The following TAF4B variants were observed in gnomAD, a reference collection of about 807,000 sequenced individuals.
The protein encoded by TAF4B is TATA-box binding protein associated factor 4b.
In TAF4B, 38 loss-of-function variants were observed where a neutral mutation model predicts 86.4. The ratio of observed to expected loss-of-function variants is 0.44; its 90% CI spans 0.34 to 0.58. TAF4B has a LOEUF of 0.58. TAF4B is among the 20% of genes least tolerant of loss of function. The pLI is 0.02. For synonymous variants in TAF4B, 388 were observed against 391.2 expected (o/e 0.99, Z 0.10); for missense variants, 988 against 1,027.6 (o/e 0.96, Z 0.53).
chr18:26,293,347 A>C (rs1466008628), intron 8 of TAF4B, 79 bp from the exon 9 acceptor site: 1 of 937,916 alleles, frequency 1.1e-6, no homozygotes, highest in Non-Finnish European at 1.6e-6. Context: ...TATATATAAA[A>C]AACGGTTGTC....
intron 1 of TAF4B, among the ~76,000 whole-genome samples, chr18:26,249,120 C>A (rs1389122725): frequency 6.7e-6 from 1 of 148,624 alleles, no homozygotes; most frequent in African/African-American, 2.5e-5. Context: ...TACAGTGAAC[C>A]GAGATTGTGC....
intron 1 of TAF4B, among the ~76,000 whole-genome samples, chr18:26,234,657 G>A (rs542266868): frequency 1.2e-4 from 19 of 152,254 alleles, no homozygotes; most frequent in African/African-American, 4.1e-4. Context: ...TTAAGGTCAG[G>A]ATTAGCTAAG....
At chr18:26,247,009 G>A (rs1421814456) in intron 1 of TAF4B, among the ~76,000 whole-genome samples, 1 of 152,144 alleles carries the variant, frequency 6.6e-6, no homozygotes, top group East Asian at 1.9e-4. Flanking sequence ...GGGATTACAA[G>A]CATGTGCCAC....
intron 9 of TAF4B, 68 bp from the exon 10 acceptor site, chr18:26,315,161 T>TGTCTCTCTCTCTCACACACACACACACA (rs2056897012): frequency 9.0e-6 from 2 of 222,942 alleles, no homozygotes. Context: ...TCTCTCTCTC[T>TGTCTCTCTCTCTCACACACACACACACA]CACACACACA....
chr18:26,320,935 C>A, intron 10 of TAF4B, 135 bp from the exon 11 acceptor site: 1 of 1,061,664 alleles, frequency 9.4e-7, no homozygotes, highest in Non-Finnish European at 1.3e-6. Context: ...TGTGACTTTA[C>A]TAGGAAAATC....
chr18:26,360,142 T>C (rs912703460), intron 14 of TAF4B, among the ~76,000 whole-genome samples: 2 of 152,202 alleles, frequency 1.3e-5, no homozygotes, highest in Admixed American at 1.3e-4. Context: ...AATACATAAA[T>C]ATTATTTGTT....
intron 1 of TAF4B, among the ~76,000 whole-genome samples, chr18:26,239,290 T>C (rs919746596): frequency 2.6e-5 from 4 of 152,272 alleles, no homozygotes; most frequent in African/African-American, 9.6e-5. Flanking sequence ...TTCTAACTGG[T>C]GTGAGATGGT....
intron 5 of TAF4B, among the ~76,000 whole-genome samples, chr18:26,278,175 G>C (rs547778334): frequency 3.3e-5 from 5 of 152,160 alleles, no homozygotes; most frequent in Non-Finnish European, 5.9e-5. Context: ...CAACAAAAAT[G>C]CTCCATGTAT....
chr18:26,259,203 CCT>C (rs2144521221), intron 1 of TAF4B, among the ~76,000 whole-genome samples: 1 of 151,518 alleles, frequency 6.6e-6, no homozygotes, highest in South Asian at 2.1e-4. Flanking sequence ...TTCTCTCTCC[CCT>C]CTCTTTCTGG....
intron 2 of TAF4B, 149 bp downstream of exon 2, chr18:26,265,464 A>G: frequency 5.3e-6 from 5 of 944,450 alleles, no homozygotes; most frequent in East Asian, 3.0e-5. Context: ...ATGTCAATTT[A>G]ATAAAGATTT....
At chr18:26,265,426 C>G in intron 2 of TAF4B, 111 bp downstream of exon 2, 1 of 1,291,504 alleles carries the variant, frequency 7.7e-7, no homozygotes, top group Non-Finnish European at 1.0e-6. Context: ...TGATTCTATT[C>G]AGCTTTTTAG....
chr18:26,305,441 T>C (rs942395164), intron 9 of TAF4B, among the ~76,000 whole-genome samples: 4 of 152,248 alleles, frequency 2.6e-5, no homozygotes, highest in African/African-American at 7.2e-5. Flanking sequence ...ACAGTTTCAC[T>C]CTGTTGCCCA....
intron 13 of TAF4B, among the ~76,000 whole-genome samples, chr18:26,343,388 G>A (rs748361234): frequency 7.9e-5 from 12 of 152,122 alleles, no homozygotes; most frequent in African/African-American, 1.2e-4. Context: ...TCTAATGAGC[G>A]TACCAAAGCC....
intron 14 of TAF4B, among the ~76,000 whole-genome samples, chr18:26,379,106 C>G (rs1242609160): frequency 6.6e-6 from 1 of 152,086 alleles, no homozygotes; most frequent in African/African-American, 2.4e-5. Context: ...TCTTAAGAGA[C>G]TCTAAACTGT....
At chr18:26,249,611 A>G (rs1423402890) in intron 1 of TAF4B, among the ~76,000 whole-genome samples, 1 of 152,222 alleles carries the variant, frequency 6.6e-6, no homozygotes, top group African/African-American at 2.4e-5. Context: ...AATGTTATGC[A>G]CACGTTCTCT....
intron 9 of TAF4B, chr18:26,304,702 G>T: frequency 1.0e-6 from 1 of 985,122 alleles, no homozygotes; most frequent in Non-Finnish European, 1.2e-6. Context: ...ACAGTCATTT[G>T]CCCTTGAGGC....
intron 1 of TAF4B, among the ~76,000 whole-genome samples, chr18:26,228,990 CGGG>C (rs765943038): frequency 6.6e-5 from 10 of 151,922 alleles, no homozygotes; most frequent in Non-Finnish European, 1.3e-4. Context: ...CCATAGGTGT[CGGG>C]GGAGTTTTAG....
rs747669385 is a variant in TAF4B, at chr18:26,265,278, C to T, written c.452C>T (p.Pro151Leu). Residue 151 changes from proline (P) to leucine (L), a missense_variant, in exon 2 of 15, where the codon CCA becomes CTA. Physicochemically the swap from Pro to Leu is moderately conservative, Grantham distance 98 (BLOSUM62 -3). This residue lies in a region of TAF4B where 747 missense variants were observed against 737.9 expected (regional missense o/e 1.01). Transcript: ENST00000269142. ...AACATAACCTCAAGGCCAGCAGTAC[C>T]AGCGAATCCTCAAACAGTCAAAATC... Reference protein sequence around the residue: ...TSNITSRPAVPANPQTVKICT... With the variant: ...TSNITSRPAVLANPQTVKICT... The T allele has an allele frequency of 8.1e-6, 13 of 1,613,832 alleles. No homozygotes were observed. In the Admixed American group the frequency reaches 1.8e-4, roughly 23 times the overall value.
At chr18:26,368,437 G>A (rs571636027) in intron 14 of TAF4B, among the ~76,000 whole-genome samples, 7 of 152,298 alleles carry the variant, frequency 4.6e-5, no homozygotes, top group African/African-American at 1.7e-4. Context: ...AGGTGCATAA[G>A]TAATTTAACT....
Sources: allele counts gnomAD v4.1 joint callset (sites outside exome capture counted in the v4.1 genomes callset), GRCh38; gene constraint gnomAD v4.1.1; regional missense constraint gnomAD v4.1.1; transcripts MANE v1.5; gene names NCBI Gene and HGNC (gene_info 2026-07-23, HGNC 2026-07-21).